EHBP1: variants seen among roughly 807,000 people sequenced by gnomAD.
EHBP1 encodes EH domain-binding protein 1.
A neutral mutation model predicts 144.0 loss-of-function variants in EHBP1; 55 were observed. That is an observed-to-expected ratio of 0.38 (90% confidence interval 0.31 to 0.48). The LOEUF is 0.48. EHBP1 is among the 20% of genes least tolerant of loss of function. The probability of loss-of-function intolerance (pLI) is 0.98; values close to 1 mark genes in which losing one functional copy is unlikely to be tolerated. For synonymous variants in EHBP1, 469 were observed against 472.7 expected, an observed-to-expected ratio of 0.99 and a Z score of 0.10; for missense variants, 1,200 against 1,364.2, an observed-to-expected ratio of 0.88 and a Z score of 1.90.
At chr2:62,901,407 CA>C (rs2053402076) in intron 10 of EHBP1, among the ~76,000 whole-genome samples, 1 of 152,086 alleles carries the variant, frequency 6.6e-6, no homozygotes, top group African/African-American at 2.4e-5. Context: ...AGTGTCTGTT[CA>C]AAAGAGTTTC....
chr2:62,992,441 A>T (rs1432722227), intron 16 of EHBP1, among the ~76,000 whole-genome samples: 1 of 152,148 alleles, frequency 6.6e-6, no homozygotes, highest in Admixed American at 6.6e-5. Flanking sequence ...AAACACTCTT[A>T]TATAGTAGTC....
rs561348763 is a variant in EHBP1 at position 62,970,434 on chromosome 2, G to A, written c.2461-8754G>A. On this transcript the variant is annotated intron_variant, in intron 14 of 22. Transcript: ENST00000431489. Reference sequence around the variant, plus strand: ...TGGTAGAAACAGAGTGCTTTTTTATGTTATAAACACAATTTTACGAAGAGT... The same window carrying A: ...TGGTAGAAACAGAGTGCTTTTTTATATTATAAACACAATTTTACGAAGAGT... Among the ~76,000 whole-genome samples, 35 of 152,116 alleles carry A rather than the reference G, an allele frequency of 2.3e-4. No homozygotes were observed. The East Asian group carries it at 6.6e-3, about 29-fold the overall frequency.
intron 19 of EHBP1, among the ~76,000 whole-genome samples, chr2:63,031,391 C>T (rs533371337): frequency 1.1e-4 from 16 of 152,260 alleles, no homozygotes; most frequent in Middle Eastern, 3.4e-3. Context: ...TACTGTCTAT[C>T]CAGTAGAATT....
intron 19 of EHBP1, among the ~76,000 whole-genome samples, chr2:63,028,002 A>G (rs560346461): frequency 2.9e-4 from 44 of 152,242 alleles, no homozygotes; most frequent in African/African-American, 1.0e-3. Flanking sequence ...GGCTCAAGCG[A>G]TCCTCCTGTC....
intron 5 of EHBP1, among the ~76,000 whole-genome samples, chr2:62,812,796 G>A (rs1359249604): frequency 6.6e-6 from 1 of 152,168 alleles, no homozygotes; most frequent in Non-Finnish European, 1.5e-5. Flanking sequence ...GTAGTGAGAT[G>A]TGAGTGGAGA....
intron 2 of EHBP1, among the ~76,000 whole-genome samples, chr2:62,737,534 G>C (rs920095666): frequency 6.6e-6 from 1 of 152,028 alleles, no homozygotes; most frequent in African/African-American, 2.4e-5. Flanking sequence ...TCTAAATTTG[G>C]GGGCAGTGGT....
At chr2:62,691,632 C>A (rs1274751156) in intron 1 of EHBP1, among the ~76,000 whole-genome samples, 3 of 152,190 alleles carry the variant, frequency 2.0e-5, no homozygotes, top group Non-Finnish European at 4.4e-5. Context: ...TTCCCCTCAA[C>A]TGAAAATCCT....
At chr2:62,974,188 C>T (rs1243300218) in intron 14 of EHBP1, among the ~76,000 whole-genome samples, 1 of 152,072 alleles carries the variant, frequency 6.6e-6, no homozygotes, top group Non-Finnish European at 1.5e-5. Flanking sequence ...GCCCCTACCA[C>T]AATATACACT....
chr2:62,783,602 G>A (rs2042605519), intron 5 of EHBP1, among the ~76,000 whole-genome samples: 1 of 152,246 alleles, frequency 6.6e-6, no homozygotes, highest in Non-Finnish European at 1.5e-5. Flanking sequence ...TGCACCCTCT[G>A]AAGCAATGGC....
chr2:62,868,677 G>A (rs1257546184), intron 9 of EHBP1, among the ~76,000 whole-genome samples: 1 of 152,144 alleles, frequency 6.6e-6, no homozygotes, highest in Non-Finnish European at 1.5e-5. Flanking sequence ...GCCAGGTGCA[G>A]TGGTTCATGC....
intron 5 of EHBP1, among the ~76,000 whole-genome samples, chr2:62,796,627 C>A (rs2152472294): frequency 6.6e-6 from 1 of 152,230 alleles, no homozygotes; most frequent in South Asian, 2.1e-4. Context: ...TGAATGCATC[C>A]TGTTTTATTC....
intron 2 of EHBP1, among the ~76,000 whole-genome samples, chr2:62,720,932 T>C (rs945636985): frequency 6.6e-6 from 1 of 152,194 alleles, no homozygotes; most frequent in Non-Finnish European, 1.5e-5. Flanking sequence ...TTCTTACATA[T>C]CACATCACCC....
At chr2:62,864,604 G>C in intron 8 of EHBP1, 127 bp from the exon 9 acceptor site, 1 of 839,972 alleles carries the variant, frequency 1.2e-6, no homozygotes, top group African/African-American at 1.7e-5. Context: ...TTTTATTATT[G>C]CTTTGCTCTT....
intron 4 of EHBP1, among the ~76,000 whole-genome samples, chr2:62,764,807 G>A (rs992256242): frequency 1.3e-5 from 2 of 152,046 alleles, no homozygotes; most frequent in Non-Finnish European, 2.9e-5. Flanking sequence ...ATTGATATTA[G>A]TATTTATAAG....
intron 7 of EHBP1, among the ~76,000 whole-genome samples, chr2:62,857,955 G>T (rs552469963): frequency 1.3e-3 from 194 of 151,104 alleles, no homozygotes; most frequent in Non-Finnish European, 1.6e-3. Context: ...TACTTATTAT[G>T]TATATAATCC....
At chr2:62,798,944 C>CA (rs1233624572) in intron 5 of EHBP1, among the ~76,000 whole-genome samples, 1 of 135,182 alleles carries the variant, frequency 7.4e-6, no homozygotes, top group Non-Finnish European at 1.5e-5. Context: ...GCGGAGCTTG[C>CA]AGTGAGCCGA....
At chr2:63,032,400 C>T (rs954738023) in intron 19 of EHBP1, among the ~76,000 whole-genome samples, 4 of 151,426 alleles carry the variant, frequency 2.6e-5, no homozygotes, top group African/African-American at 9.7e-5. Context: ...AACCCCGTCT[C>T]TACTGAAAAT....
intron 2 of EHBP1, among the ~76,000 whole-genome samples, chr2:62,718,844 G>A (rs1283573114): frequency 6.6e-6 from 1 of 152,128 alleles, no homozygotes; most frequent in East Asian, 1.9e-4. Flanking sequence ...ATGTGTTTTA[G>A]CTGTGCCATT....
chr2:62,682,232 T>C (rs939136502), intron 1 of EHBP1, among the ~76,000 whole-genome samples: 1 of 152,222 alleles, frequency 6.6e-6, no homozygotes, highest in Non-Finnish European at 1.5e-5. Context: ...AAATAAAAGA[T>C]ATTTAATTGT....
Sources: gnomAD v4.1 joint callset for allele counts (sites outside exome capture counted in the v4.1 genomes callset) on GRCh38, gnomAD v4.1.1 for gene constraint, MANE v1.5 for transcripts, NCBI Gene and HGNC (gene_info 2026-07-23, HGNC 2026-07-21) for gene names.